The following SNX13 variants were observed in gnomAD, a reference collection of about 807,000 sequenced individuals.
SNX13 encodes sorting nexin-13.
Under a neutral mutation model 133.6 loss-of-function variants are expected in SNX13, and 45 were observed. The observed-to-expected ratio is 0.34, with a 90% CI of 0.27 to 0.43. The LOEUF (loss-of-function observed/expected upper bound fraction) is 0.43. SNX13 is among the 20% of genes least tolerant of loss of function. The pLI, the probability that SNX13 is intolerant of heterozygous loss-of-function variation, is 1.00. For missense variants in SNX13, 1,032 were observed against 1,145.1 expected, an observed-to-expected ratio of 0.90 and a Z score of 1.43; for synonymous variants, 414 against 373.9, an observed-to-expected ratio of 1.11 and a Z score of -1.24.
At chr7:17,811,530 C>T (rs1340416178) in intron 20 of SNX13, among the ~76,000 whole-genome samples, 5 of 152,174 alleles carry the variant, frequency 3.3e-5, no homozygotes, top group Non-Finnish European at 7.3e-5. Flanking sequence ...ATTCCATGCT[C>T]ATGGATAGGA....
intron 20 of SNX13, among the ~76,000 whole-genome samples, chr7:17,807,871 T>C (rs1275260572): frequency 6.6e-6 from 1 of 151,236 alleles, no homozygotes; most frequent in South Asian, 2.1e-4. Flanking sequence ...GGGGCCTGAT[T>C]GTTAGAAGGA....
chr7:17,823,299 C>CA (rs1304180221), intron 17 of SNX13, among the ~76,000 whole-genome samples: 7 of 152,224 alleles, frequency 4.6e-5, no homozygotes, highest in African/African-American at 1.7e-4. Context: ...TTCAGACTAC[C>CA]ACACTAACCA....
At chr7:17,830,159 A>T (rs1788321079) in intron 15 of SNX13, 112 bp from the exon 16 acceptor site, 4 of 653,676 alleles carry the variant, frequency 6.1e-6, no homozygotes, top group Admixed American at 6.2e-5. Context: ...ATAACATAAT[A>T]GTAAAAAAAA....
At chr7:17,823,464 A>G (rs748965610) in intron 17 of SNX13, among the ~76,000 whole-genome samples, 1 of 152,226 alleles carries the variant, frequency 6.6e-6, no homozygotes, top group Non-Finnish European at 1.5e-5. Flanking sequence ...CATAAAAGTT[A>G]GGACTCTATA....
intron 1 of SNX13, among the ~76,000 whole-genome samples, chr7:17,928,542 T>C (rs949236953): frequency 2.6e-5 from 4 of 152,112 alleles, no homozygotes; most frequent in Admixed American, 2.0e-4. Flanking sequence ...ACTCTCAAGG[T>C]TTTTTAAAAG....
At chr7:17,798,536 T>C (rs778323732) in intron 24 of SNX13, among the ~76,000 whole-genome samples, 154 bp downstream of exon 24, 107 of 151,896 alleles carry the variant, frequency 7.0e-4, no homozygotes, top group Non-Finnish European at 8.8e-4. Context: ...ATAAGACAAA[T>C]GTTTAGTATA....
intron 12 of SNX13, among the ~76,000 whole-genome samples, chr7:17,844,794 ACAC>A (rs1485008691): frequency 1.3e-5 from 2 of 152,094 alleles, no homozygotes; most frequent in South Asian, 2.1e-4. Flanking sequence ...TGAAGGATAA[ACAC>A]CACATCTTAA....
At chr7:17,824,238 T>C (rs761788798) in intron 17 of SNX13, among the ~76,000 whole-genome samples, 1 of 152,160 alleles carries the variant, frequency 6.6e-6, no homozygotes, top group Non-Finnish European at 1.5e-5. Context: ...TTGTTTAATT[T>C]AGCCAATACT....
chr7:17,850,348 T>G lies in SNX13; in HGVS notation c.1064A>C (p.Lys355Thr), dbSNP rs34851213. 2.5e-6 allele frequency: 4 copies of G among 1,586,716 alleles called. No homozygotes were observed. The East Asian group carries it at 9.0e-5, about 36-fold the overall frequency. The change falls in exon 11 of 26, where the codon AAA becomes ACA. Residue 355 changes from lysine to threonine, a missense_variant and splice_region_variant. Transcript: ENST00000428135. ...DSRIQRLQSG[K>T]EINTVKLAAN... is the part of the protein sequence containing the mutation. ...TTAATTCAAAACTACTTTACTTACT[T>G]TGCCTGACTGCAATCGCTGTATTCT...
At chr7:17,803,302 A>T in intron 21 of SNX13, 117 bp downstream of exon 21, 1 of 934,914 alleles carries the variant, frequency 1.1e-6, no homozygotes, top group Non-Finnish European at 1.5e-6. Context: ...CTATGTGTCT[A>T]GCAATGTTTG....
At chr7:17,852,265 T>C (rs539715756) in intron 9 of SNX13, among the ~76,000 whole-genome samples, 3 of 152,106 alleles carry the variant, frequency 2.0e-5, no homozygotes, top group Non-Finnish European at 2.9e-5. Flanking sequence ...TCCCAGCTAC[T>C]AGGAAGGTAA....
chr7:17,921,314 A>C (rs1375983676), intron 1 of SNX13, among the ~76,000 whole-genome samples: 1 of 152,172 alleles, frequency 6.6e-6, no homozygotes. Context: ...AGATAAATAC[A>C]TTCAGTTATC....
chr7:17,890,405 A>C lies in SNX13; in HGVS notation c.398T>G (p.Ile133Ser). 1 of 1,611,438 alleles carries C rather than the reference A, an allele frequency of 6.2e-7. No homozygotes were observed. Among genetic ancestry groups the C allele is most frequent in the Non-Finnish European group, 8.5e-7 (1 of 1,178,424 alleles). Residue 133 changes from isoleucine (I) to serine (S), a missense_variant, in exon 5 of 26, where the codon ATT becomes AGT. Ile to Ser is a moderately radical substitution (Grantham distance 142). Coordinates refer to ENST00000428135, the MANE Select transcript of SNX13 (RefSeq NM_015132.5). ...GAGTGCGTTTTGAAGAGTCTGCCTA[A>C]TTTCAAGAAGAAAAGATTCATCATC... is the stretch of plus-strand genomic sequence containing the variant. ...LSDDESFLLE[I>S]RQTLQNALIQ...
intron 10 of SNX13, 24 bp downstream of exon 10, chr7:17,850,802 T>A (rs1165810442): frequency 1.3e-6 from 2 of 1,496,976 alleles, no homozygotes; most frequent in Non-Finnish European, 1.8e-6. Flanking sequence ...AAAAAATATA[T>A]CTTAAATTAA....
At chr7:17,797,948 C>T (rs1784232656) in intron 24 of SNX13, among the ~76,000 whole-genome samples, 1 of 151,762 alleles carries the variant, frequency 6.6e-6, no homozygotes, top group South Asian at 2.1e-4. Flanking sequence ...AAATACCTAC[C>T]TCGAAAAATG....
Position 17,826,070 on chromosome 7 carries a change from C to T in SNX13, c.1657G>A (p.Val553Ile), listed in dbSNP as rs778212225. The change falls in exon 17 of 26, where the codon GTT becomes ATT. Residue 553 changes from valine (V) to isoleucine (I), a missense_variant. Coordinates refer to ENST00000428135, the MANE Select transcript of SNX13 (RefSeq NM_015132.5). ...AGTTGTACTGAGTCATCAGAAGAAA[C>T]ATTTGAAAGGTCATCTAAAGACTGA... ...INLSLDDLSNVSSDDSVQLHA... is the reference protein window; with the variant it reads ...INLSLDDLSNISSDDSVQLHA... 37 of 1,547,606 alleles carry T rather than the reference C, an allele frequency of 2.4e-5. No individual in the cohort carries two copies. The highest frequency in any genetic ancestry group is 3.1e-5 in the Non-Finnish European group (36 of 1,144,322).
At position 17,845,737 on chromosome 7, in the gene SNX13, T is replaced by C. The variant is rs992944256; in HGVS notation, c.1066-43A>G. ...TATAAGTTAATATTTTATCTAATCATTCATTGTTAAAGATGTGTACATAAA... is the reference window on the plus strand; with the variant it reads ...TATAAGTTAATATTTTATCTAATCACTCATTGTTAAAGATGTGTACATAAA... On this transcript the variant is annotated intron_variant, in intron 11 of 25. Transcript: ENST00000428135. 4 of 1,330,460 alleles carry C rather than the reference T, an allele frequency of 3.0e-6. No individual in the cohort carries two copies. In the East Asian group the frequency reaches 7.6e-5, roughly 25 times the overall value. 82.4% of individuals were successfully genotyped at this position (1,330,460 alleles called of 1,614,324 possible).
chr7:17,839,276 T>C (rs998381683), intron 13 of SNX13, among the ~76,000 whole-genome samples: 1 of 150,692 alleles, frequency 6.6e-6, no homozygotes, highest in Non-Finnish European at 1.5e-5. Context: ...AAGTGATTTA[T>C]AATGTTCCTA....
chr7:17,803,367 T>G lies in SNX13; in HGVS notation c.2226+52A>C, dbSNP rs540360747. On this transcript the variant is annotated intron_variant, in intron 21 of 25. Coordinates refer to ENST00000428135, the MANE Select transcript of SNX13 (RefSeq NM_015132.5). ...AAATCCAACCAGAATTCAATACATC[T>G]TATTGACTTAAAAATAGTTTGCTTT... is the stretch of plus-strand genomic sequence containing the variant. 5.0e-5 allele frequency: 74 copies of G among 1,488,702 alleles called. No individual in the cohort carries two copies. In the South Asian group the frequency reaches 7.8e-4, roughly 16 times the overall value. The allele number at this position is 1,488,702 out of a possible 1,614,324, so 92.2% of individuals were successfully genotyped here.
Sources: allele counts gnomAD v4.1 joint callset (sites outside exome capture counted in the v4.1 genomes callset), GRCh38; gene constraint gnomAD v4.1.1; transcripts MANE v1.5; gene names NCBI Gene and HGNC (gene_info 2026-07-23, HGNC 2026-07-21).